Variants in ADAMTS18 observed in about 807,000 individuals in gnomAD.
ADAMTS18 encodes A disintegrin and metalloproteinase with thrombospondin motifs 18.
A neutral mutation model predicts 165.9 loss-of-function variants in ADAMTS18; 157 were observed. That is an observed-to-expected ratio of 0.95 (90% CI 0.83 to 1.08). The LOEUF is 1.08. ADAMTS18 is among the 50% of genes least tolerant of loss of function. ADAMTS18 has a pLI of 0.00. For missense variants in ADAMTS18, 2,040 were observed against 1,534.0 expected (o/e 1.33, Z -5.51); for synonymous variants, 782 against 578.2 (o/e 1.35, Z -5.06).
intron 3 of ADAMTS18, among the ~76,000 whole-genome samples, chr16:77,421,560 G>C (rs759600267): frequency 6.6e-6 from 1 of 152,232 alleles, no homozygotes; most frequent in Non-Finnish European, 1.5e-5. Flanking sequence ...CTTCTGGAGA[G>C]AACTTTCTAA....
intron 12 of ADAMTS18, among the ~76,000 whole-genome samples, chr16:77,327,095 TG>T (rs1344101755): frequency 6.6e-6 from 1 of 152,230 alleles, no homozygotes; most frequent in Non-Finnish European, 1.5e-5. Context: ...TCCAGTCTGC[TG>T]TTGATGGGCA....
Position 77,395,596 on chromosome 16 carries a change from C to T in ADAMTS18, c.496-27873G>A, listed in dbSNP as rs28434482. The stretch of plus-strand genomic sequence containing the variant: ...ATGCTCCTTTCTTTTGAAGCACTTG[C>T]CCCAGTTTTAAAAACATAGCTCCAT... On this transcript the variant is annotated intron_variant, in intron 3 of 22. Transcript: ENST00000282849. 3.7e-3 allele frequency among the ~76,000 whole-genome samples: 557 copies of T among 152,246 alleles called. 6 individuals carry two copies. The highest frequency in any genetic ancestry group is 0.013 in the African/African-American group (539 of 41,544).
At chr16:77,360,884 C>A (rs896795877) in intron 7 of ADAMTS18, among the ~76,000 whole-genome samples, 1 of 151,938 alleles carries the variant, frequency 6.6e-6, no homozygotes, top group African/African-American at 2.4e-5. Context: ...GTCAGGAGTT[C>A]GAGACCAGCC....
At chr16:77,304,853 A>C (rs1479674930) in intron 16 of ADAMTS18, among the ~76,000 whole-genome samples, 1 of 152,222 alleles carries the variant, frequency 6.6e-6, no homozygotes, top group Non-Finnish European at 1.5e-5. Flanking sequence ...CATATAGAGC[A>C]TATTGTTTAT....
intron 14 of ADAMTS18, among the ~76,000 whole-genome samples, chr16:77,321,877 C>T (rs2056005091): frequency 6.6e-6 from 1 of 151,768 alleles, no homozygotes; most frequent in Admixed American, 6.6e-5. Flanking sequence ...GGTGCTCGGC[C>T]AGGCGTGGTG....
At position 77,282,895 on chromosome 16, in the gene ADAMTS18, T is replaced by C. The variant is rs1184441902; in HGVS notation, c.*1061A>G. On this transcript the variant is annotated 3_prime_UTR_variant, in exon 23 of 23. Coordinates refer to ENST00000282849, the MANE Select transcript of ADAMTS18 (RefSeq NM_199355.4). ...TTTTTTTATTACCACTGTTTACTCCTTTCTTTCTCTCTTTTTTTTTTTTTT... is the reference window on the plus strand; with the variant it reads ...TTTTTTTATTACCACTGTTTACTCCCTTCTTTCTCTCTTTTTTTTTTTTTT... 2 of 114,290 alleles carry C rather than the reference T, an allele frequency of 1.7e-5. No homozygotes were observed. Among genetic ancestry groups the C allele is most frequent in the Admixed American group, 1.9e-4 (2 of 10,506 alleles). 7.1% of individuals were successfully genotyped at this position (114,290 alleles called of 1,614,324 possible).
intron 3 of ADAMTS18, among the ~76,000 whole-genome samples, chr16:77,415,489 C>G (rs766015276): frequency 6.6e-6 from 1 of 152,130 alleles, no homozygotes; most frequent in Non-Finnish European, 1.5e-5. Flanking sequence ...ATCTTCCATC[C>G]TCTTTGCTAA....
chr16:77,341,079 A>C (rs1043228343), intron 11 of ADAMTS18, among the ~76,000 whole-genome samples: 1 of 152,130 alleles, frequency 6.6e-6, no homozygotes, highest in Non-Finnish European at 1.5e-5. Context: ...TCCAGACTCT[A>C]TTGAGAAAGA....
intron 3 of ADAMTS18, among the ~76,000 whole-genome samples, chr16:77,383,984 T>C (rs2057070559): frequency 6.6e-6 from 1 of 152,160 alleles, no homozygotes; most frequent in African/African-American, 2.4e-5. Flanking sequence ...ACAGCCTTTA[T>C]CATGACATGA....
At chr16:77,424,966 T>A (rs1237090234) in intron 3 of ADAMTS18, among the ~76,000 whole-genome samples, 25 of 152,198 alleles carry the variant, frequency 1.6e-4, no homozygotes, top group Admixed American at 1.6e-3. Flanking sequence ...TCAGCCCTTT[T>A]ATGAATGGAA....
intron 21 of ADAMTS18, chr16:77,290,582 G>A (rs1056349984): frequency 6.4e-6 from 1 of 155,056 alleles, no homozygotes; most frequent in Non-Finnish European, 1.4e-5. Flanking sequence ...CCTCTACCCG[G>A]ACTCTGTGAT....
At chr16:77,292,104 AAG>A (rs2055375328) in intron 20 of ADAMTS18, among the ~76,000 whole-genome samples, 1 of 152,120 alleles carries the variant, frequency 6.6e-6, no homozygotes, top group African/African-American at 2.4e-5. Context: ...CCAGGAGTTC[AAG>A]ACCAGCCTCA....
chr16:77,334,704 ACT>A (rs1293867938), intron 12 of ADAMTS18, among the ~76,000 whole-genome samples: 1 of 108,450 alleles, frequency 9.2e-6, no homozygotes, highest in Non-Finnish European at 1.8e-5. Flanking sequence ...GTATATATAT[ACT>A]GTATACTATA....
intron 3 of ADAMTS18, among the ~76,000 whole-genome samples, chr16:77,384,585 T>A (rs1045005927): frequency 6.6e-6 from 1 of 152,158 alleles, no homozygotes; most frequent in African/African-American, 2.4e-5. Flanking sequence ...TCTGAAGGTT[T>A]TGAATGGAAA....
At chr16:77,376,717 T>C (rs1038666914) in intron 3 of ADAMTS18, among the ~76,000 whole-genome samples, 4 of 152,212 alleles carry the variant, frequency 2.6e-5, no homozygotes, top group Non-Finnish European at 5.9e-5. Flanking sequence ...ATTTAAATAG[T>C]TTAATGTTTT....
At chr16:77,387,705 G>A (rs1172185760) in intron 3 of ADAMTS18, among the ~76,000 whole-genome samples, 1 of 152,070 alleles carries the variant, frequency 6.6e-6, no homozygotes, top group Non-Finnish European at 1.5e-5. Context: ...TTTAACTTCT[G>A]CCAAAAAAAT....
chr16:77,357,716 T>G (rs968123304), intron 8 of ADAMTS18, among the ~76,000 whole-genome samples: 4 of 152,232 alleles, frequency 2.6e-5, no homozygotes, highest in African/African-American at 7.2e-5. Flanking sequence ...TAATAGCATT[T>G]TAGAAGATGA....
intron 9 of ADAMTS18, 67 bp downstream of exon 9, chr16:77,355,873 G>C (rs1194843409): frequency 1.7e-5 from 27 of 1,591,878 alleles, no homozygotes; most frequent in Non-Finnish European, 2.3e-5. Flanking sequence ...TTCGTTTGCA[G>C]GTCTATGGAG....
intron 11 of ADAMTS18, among the ~76,000 whole-genome samples, chr16:77,337,958 C>A (rs565002260): frequency 6.7e-6 from 1 of 148,150 alleles, no homozygotes; most frequent in South Asian, 2.1e-4. Context: ...TGCTGGAATG[C>A]AGTGGTGCGA....
Sources: allele counts gnomAD v4.1 joint callset (sites outside exome capture counted in the v4.1 genomes callset), GRCh38; gene constraint gnomAD v4.1.1; transcripts MANE v1.5; gene names NCBI Gene and HGNC (gene_info 2026-07-23, HGNC 2026-07-21).